Variants in CDC42BPB observed in about 807,000 individuals in gnomAD.
The protein encoded by CDC42BPB is CDC42 binding protein kinase beta.
A neutral mutation model predicts 214.9 loss-of-function variants in CDC42BPB; 37 were observed. That is an observed-to-expected ratio of 0.17 (90% CI 0.13 to 0.23). The LOEUF (loss-of-function observed/expected upper bound fraction) is 0.23. CDC42BPB is among the 10% of genes least tolerant of loss of function. The pLI is 1.00. For synonymous variants in CDC42BPB, 931 were observed against 884.0 expected (o/e 1.05, Z -0.94); for missense variants, 1,694 against 2,227.0 (o/e 0.76, Z 4.82).
At chr14:102,991,030 C>T (rs924850693) in intron 5 of CDC42BPB, among the ~76,000 whole-genome samples, 1 of 152,036 alleles carries the variant, frequency 6.6e-6, no homozygotes, top group East Asian at 1.9e-4. Flanking sequence ...CTGGTCTAGG[C>T]AAAATTCATT....
At chr14:103,039,598 T>A (rs962317039) in intron 1 of CDC42BPB, among the ~76,000 whole-genome samples, 1 of 151,940 alleles carries the variant, frequency 6.6e-6, no homozygotes, top group Non-Finnish European at 1.5e-5. Context: ...CTTAACAAAC[T>A]AGAAATAGAA....
chr14:102,995,985 T>C (rs1366219380), intron 5 of CDC42BPB, among the ~76,000 whole-genome samples: 1 of 152,238 alleles, frequency 6.6e-6, no homozygotes, highest in East Asian at 1.9e-4. Context: ...AATAAAGTTT[T>C]AAAATTACAT....
At chr14:102,987,095 G>C (rs77794157) in intron 5 of CDC42BPB, among the ~76,000 whole-genome samples, 4 of 152,228 alleles carry the variant, frequency 2.6e-5, no homozygotes, top group African/African-American at 9.6e-5. Context: ...ACAAAGAGAC[G>C]GCAGTGGCCA....
chr14:103,033,234 T>G (rs1337392243), intron 1 of CDC42BPB, among the ~76,000 whole-genome samples: 1 of 152,162 alleles, frequency 6.6e-6, no homozygotes, highest in Non-Finnish European at 1.5e-5. Flanking sequence ...TTTTTTTGTT[T>G]GTTTTGAGAC....
rs1894781793 is a variant in CDC42BPB at position 102,997,248 on chromosome 14, CAT to C, written c.596+2315_596+2316del. On this transcript the variant is annotated intron_variant, in intron 5 of 36. Coordinates refer to ENST00000361246, the MANE Select transcript of CDC42BPB (RefSeq NM_006035.4). ...AGCCTCAAGGTGGAAGACACAGACACATGTGATGCCTGCGAAGTCCCAAGGGG... is the reference window on the plus strand; with the variant it reads ...AGCCTCAAGGTGGAAGACACAGACACGTGATGCCTGCGAAGTCCCAAGGGG... Among the ~76,000 whole-genome samples, 4 of 152,304 alleles carry C rather than the reference CAT, an allele frequency of 2.6e-5. No homozygotes were observed. The South Asian group carries it at 6.2e-4, about 24-fold the overall frequency.
At chr14:103,040,359 A>C (rs1367942895) in intron 1 of CDC42BPB, among the ~76,000 whole-genome samples, 4 of 152,198 alleles carry the variant, frequency 2.6e-5, no homozygotes, top group Non-Finnish European at 4.4e-5. Context: ...CGTCTCAAAA[A>C]AAAAGTTAAA....
chr14:103,032,535 CAAAAAA>C (rs570009408), intron 1 of CDC42BPB, among the ~76,000 whole-genome samples: 54 of 45,062 alleles, frequency 1.2e-3, no homozygotes, highest in African/African-American at 2.6e-3. Flanking sequence ...AAATAAACTG[CAAAAAA>C]AAAAAAAAAA....
chr14:103,046,815 G>A (rs767168476), intron 1 of CDC42BPB, among the ~76,000 whole-genome samples: 37 of 151,874 alleles, frequency 2.4e-4, no homozygotes, highest in African/African-American at 4.3e-4. Flanking sequence ...CACCATGCCC[G>A]GCTAGTTTTT....
intron 6 of CDC42BPB, among the ~76,000 whole-genome samples, chr14:102,984,930 C>T (rs1308152558): frequency 6.6e-6 from 1 of 152,220 alleles, no homozygotes; most frequent in Non-Finnish European, 1.5e-5. Context: ...CTACAGACAG[C>T]GGGACCACTG....
At chr14:102,996,934 T>C (rs1171547388) in intron 5 of CDC42BPB, among the ~76,000 whole-genome samples, 2 of 151,760 alleles carry the variant, frequency 1.3e-5, no homozygotes, top group African/African-American at 4.8e-5. Flanking sequence ...ACTAAATGAG[T>C]GTCTGTTCTA....
chr14:102,964,826 T>C, intron 18 of CDC42BPB, 176 bp from the exon 19 acceptor site: 1 of 903,012 alleles, frequency 1.1e-6, no homozygotes, highest in Non-Finnish European at 1.3e-6. Flanking sequence ...TGACTTTTTT[T>C]ACTCTTCCTC....
rs556480729 is a variant in CDC42BPB, at chr14:102,975,013, C to T, written c.1507+671G>A. Among the ~76,000 whole-genome samples, 4 of 152,194 alleles carry T rather than the reference C, an allele frequency of 2.6e-5. No homozygotes were observed. The South Asian group carries it at 8.3e-4, about 32-fold the overall frequency. On this transcript the variant is annotated intron_variant, in intron 11 of 36. Coordinates refer to ENST00000361246, the MANE Select transcript of CDC42BPB (RefSeq NM_006035.4). ...TAGGGAACTTTGATAACCTAGGAAC[C>T]GCCAAAAGAAAGTGGTGACAGCAGG...
intron 9 of CDC42BPB, among the ~76,000 whole-genome samples, chr14:102,977,108 G>A (rs897933626): frequency 2.6e-5 from 4 of 152,082 alleles, no homozygotes; most frequent in Non-Finnish European, 5.9e-5. Context: ...TTGGGAGGCC[G>A]AGGCGGGGAG....
chr14:103,052,822 A>G (rs1888684753), intron 1 of CDC42BPB, among the ~76,000 whole-genome samples: 1 of 152,206 alleles, frequency 6.6e-6, no homozygotes, highest in Non-Finnish European at 1.5e-5. Context: ...CAATGCCCAT[A>G]GGCTAGGATT....
Position 103,057,029 on chromosome 14 carries a change from C to T in CDC42BPB, c.145G>A (p.Asp49Asn). ...TECSHSALRR[D>N]KYVAEFLEWA... ...TCGAGGAACTCGGCCACGTACTTGTCGCGGCGCAGGGCCGAGTGGCTGCAC... is the reference window on the plus strand; with the variant it reads ...TCGAGGAACTCGGCCACGTACTTGTTGCGGCGCAGGGCCGAGTGGCTGCAC... The change falls in exon 1 of 37, where the codon GAC (aspartate) becomes AAC (asparagine). Residue 49 changes from aspartate to asparagine, a missense_variant. Asp to Asn is a conservative substitution (Grantham distance 23). This residue lies in a region of CDC42BPB where 83 missense variants were observed against 79.9 expected (regional missense o/e 1.04). Transcript: ENST00000361246. The T allele has an allele frequency of 6.7e-7, 1 of 1,501,406 alleles. No homozygotes were observed. Among genetic ancestry groups the T allele is most frequent in the Non-Finnish European group, 8.9e-7 (1 of 1,128,840 alleles). 93.0% of individuals were successfully genotyped at this position (1,501,406 alleles called of 1,614,324 possible). A position where few individuals can be genotyped will look rare whatever the true frequency, so the allele number is the denominator to read the frequency against.
intron 7 of CDC42BPB, among the ~76,000 whole-genome samples, chr14:102,982,756 G>A (rs1348102485): frequency 1.3e-5 from 2 of 151,480 alleles, no homozygotes; most frequent in African/African-American, 2.4e-5. Context: ...GCGAAACTCC[G>A]TCTCAAAAAA....
At chr14:102,949,931 C>T (rs767307029) in intron 25 of CDC42BPB, 27 bp from the exon 26 acceptor site, 30 of 1,610,616 alleles carry the variant, frequency 1.9e-5, no homozygotes, top group Middle Eastern at 3.3e-4. Flanking sequence ...ACAGTGGCCA[C>T]GTTCCACCAG....
rs1296009429 is a variant in CDC42BPB, at chr14:102,933,129, G to A, written c.*583C>T. The A allele has an allele frequency of 6.6e-6, 1 of 152,532 alleles. No homozygotes were observed. Among genetic ancestry groups the A allele is most frequent in the Non-Finnish European group, 1.5e-5 (1 of 68,074 alleles). 9.4% of individuals were successfully genotyped at this position (152,532 alleles called of 1,614,324 possible). A position where few individuals can be genotyped will look rare whatever the true frequency, so the allele number is the denominator to read the frequency against. On this transcript the variant is annotated 3_prime_UTR_variant, in exon 37 of 37. Transcript: ENST00000361246. ...AACTTAATGCACACAGGGACGCAGG[G>A]TGTCACTGGTCCTGGGCCTTTGTCC...
chr14:103,057,474 C>T lies in CDC42BPB; in HGVS notation c.-301G>A. 1 of 234,682 alleles carries T rather than the reference C, an allele frequency of 4.3e-6. No homozygotes were observed. The highest frequency in any genetic ancestry group is 6.8e-6 in the Non-Finnish European group (1 of 146,056). The allele number at this position is 234,682 out of a possible 1,614,324, so 14.5% of individuals were successfully genotyped here. A position where few individuals can be genotyped will look rare whatever the true frequency, so the allele number is the denominator to read the frequency against. On this transcript the variant is annotated 5_prime_UTR_variant, in exon 1 of 37. Transcript: ENST00000361246. ...CCTCAGCCCCGCCCGCGGCCGCGCC[C>T]TCCCCGCCGCCGCCGCCGCAGACTA...
Sources: allele counts gnomAD v4.1 joint callset (sites outside exome capture counted in the v4.1 genomes callset), GRCh38; gene constraint gnomAD v4.1.1; regional missense constraint gnomAD v4.1.1; transcripts MANE v1.5; gene names NCBI Gene and HGNC (gene_info 2026-07-23, HGNC 2026-07-21).